Variants in SLC27A3 observed in about 807,000 individuals in gnomAD.
SLC27A3 encodes the protein solute carrier family 27 member 3.
A neutral mutation model predicts 60.1 loss-of-function variants in SLC27A3; 60 were observed. The observed-to-expected ratio is 1.00, with a 90% CI of 0.81 to 1.24. SLC27A3 has a LOEUF of 1.24. SLC27A3 is among the 50% of genes most tolerant of loss of function. The pLI, the probability that SLC27A3 is intolerant of heterozygous loss-of-function variation, is 0.00. For missense variants in SLC27A3, 1,079 were observed against 929.9 expected, an observed-to-expected ratio of 1.16 and a Z score of -2.09; for synonymous variants, 455 against 409.0, an observed-to-expected ratio of 1.11 and a Z score of -1.36.
rs1340082690 is a variant in SLC27A3, at chr1:153,777,851, G to A, written c.1127G>A (p.Gly376Glu). The A allele has an allele frequency of 3.1e-6, 5 of 1,614,256 alleles. No homozygotes were observed. The highest frequency in any genetic ancestry group is 4.2e-6 in the Non-Finnish European group (5 of 1,180,056). Residue 376 changes from glycine (G) to glutamate (E), a missense_variant, in exon 4 of 10, where the codon GGG becomes GAG. Coordinates refer to ENST00000624995, the MANE Select transcript of SLC27A3 (RefSeq NM_024330.4). ...AGGGTGACGGTGTTCCAGTACATTG[G>A]GGAGCTGTGCCGATACCTTGTCAAC... ...QHRVTVFQYI[G>E]ELCRYLVNQP...
In SLC27A3 at chr1:153,776,551, C is replaced by G. The variant is rs1673234181; in HGVS notation, c.701C>G (p.Ala234Gly). The change falls in exon 2 of 10, where the codon GCC (alanine) becomes GGC (glycine). Residue 234 changes from alanine (A) to glycine (G), a missense_variant. Ala to Gly is a moderately conservative substitution (Grantham distance 60). Transcript: ENST00000624995. ...GAGTCCCTGGAGCCGGACCTGCCCG[C>G]CCTGAGAGCCATGGGGCTCCACCTG... is the stretch of plus-strand genomic sequence containing the variant. ...FLESLEPDLP[A>G]LRAMGLHLWA... is the part of the protein sequence containing the mutation. The G allele has an allele frequency of 1.9e-6, 3 of 1,614,026 alleles. No individual in the cohort carries two copies. The highest frequency in any genetic ancestry group is 1.7e-6 in the Non-Finnish European group (2 of 1,180,038).
rs767684054 is a variant in SLC27A3, at chr1:153,779,334, A to G, written c.1745-9A>G. On this transcript the variant is annotated splice_polypyrimidine_tract_variant and intron_variant, in intron 8 of 9. Transcript: ENST00000624995. ...TGGAGGGGCTTACTCTGTCTCCCAC[A>G]CCCACCAGGGCATGAAGGCAGGGCT... 77 of 1,613,732 alleles carry G rather than the reference A, an allele frequency of 4.8e-5. No individual in the cohort carries two copies. Among genetic ancestry groups the G allele is most frequent in the Non-Finnish European group, 6.4e-5 (76 of 1,179,896 alleles).
intron 4 of SLC27A3, 82 bp downstream of exon 4, chr1:153,777,967 G>A (rs1000756506): frequency 1.9e-5 from 30 of 1,586,208 alleles, no homozygotes; most frequent in Middle Eastern, 3.5e-4. Flanking sequence ...GAGACAGGGA[G>A]TTGGAGGGAG....
Position 153,778,905 on chromosome 1 carries a change from T to G in SLC27A3, c.1646+20T>G. 6.2e-7 allele frequency: 1 copy of G among 1,611,410 alleles called. No homozygotes were observed. Among genetic ancestry groups the G allele is most frequent in the Non-Finnish European group, 8.5e-7 (1 of 1,177,586 alleles). On this transcript the variant is annotated intron_variant, in intron 7 of 9. Transcript: ENST00000624995. ...CTTCAGGTATCTGTCCATAACTGGT[T>G]TTTCATCCTGGACATCTGATCTCTG...
Position 153,776,042 on chromosome 1 carries a change from G to T in SLC27A3, c.545G>T (p.Trp182Leu). ...LLLPAGPEFL[W>L]LWFGLAKAGL... ...CTCCCCGCTGGCCCAGAGTTTCTGT[G>T]GCTCTGGTTCGGGCTGGCCAAGGCC... Residue 182 changes from tryptophan to leucine, a missense_variant, in exon 1 of 10, where the codon TGG becomes TTG. By Grantham distance (61) the Trp-to-Leu change is moderately conservative. Transcript: ENST00000624995. 6.9e-7 allele frequency: 1 copy of T among 1,458,900 alleles called. No homozygotes were observed. 90.4% of individuals were successfully genotyped at this position (1,458,900 alleles called of 1,614,324 possible).
chr1:153,776,188 C>T lies in SLC27A3; in HGVS notation c.667+24C>T, dbSNP rs140194614. ...AGGTAAGGCTGGAGCTCCGAACTGA[C>T]TAAGGCGGGGCCAGCCACAGAAGGG... On this transcript the variant is annotated intron_variant, in intron 1 of 9. Transcript: ENST00000624995. 7 of 1,412,738 alleles carry T rather than the reference C, an allele frequency of 5.0e-6. No individual in the cohort carries two copies. In the East Asian group the frequency reaches 8.1e-5, roughly 16 times the overall value. The allele number at this position is 1,412,738 out of a possible 1,614,324, so 87.5% of individuals were successfully genotyped here. A position where few individuals can be genotyped will look rare whatever the true frequency, so the allele number is the denominator to read the frequency against.
rs781096570 is a variant in SLC27A3 at position 153,777,126 on chromosome 1, G to A, written c.942G>A (p.Leu314=). The change falls in exon 3 of 10, where the codon CTG becomes CTA. Residue 314 remains leucine (L), a synonymous_variant. Coordinates refer to ENST00000624995, the MANE Select transcript of SLC27A3 (RefSeq NM_024330.4). The part of the protein sequence containing the change: ...KILQCQGFYQ[L]CGVHQEDVIY... ...TGCAATGCCAGGGCTTCTATCAGCT[G>A]TGTGGTGTCCACCAGGAAGATGTGA... 19 of 1,614,148 alleles carry A rather than the reference G, an allele frequency of 1.2e-5. No individual in the cohort carries two copies. The highest frequency in any genetic ancestry group is 1.7e-5 in the Admixed American group (1 of 60,016).
chr1:153,776,469 C>CA, intron 1 of SLC27A3, 49 bp from the exon 2 acceptor site: 1 of 1,546,070 alleles, frequency 6.5e-7, no homozygotes, highest in Non-Finnish European at 8.8e-7. Context: ...GTCATAGGCT[C>CA]TTCTAGGTAG....
Position 153,778,710 on chromosome 1 carries a change from C to T in SLC27A3, c.1471C>T (p.Pro491Ser), listed in dbSNP as rs200097042. ...SPGEPGLLVAPVSQQSPFLGY... is the reference protein window; with the variant it reads ...SPGEPGLLVASVSQQSPFLGY... Reference sequence around the variant, plus strand: ...AGGTGAGCCAGGGCTGCTGGTGGCCCCGGTAAGCCAGCAGTCCCCATTCCT... The same window carrying T: ...AGGTGAGCCAGGGCTGCTGGTGGCCTCGGTAAGCCAGCAGTCCCCATTCCT... The change falls in exon 7 of 10, where the codon CCG (proline) becomes TCG (serine). Residue 491 changes from proline to serine, a missense_variant. Physicochemically the swap from Pro to Ser is moderately conservative, Grantham distance 74. Transcript: ENST00000624995. 8 of 1,613,090 alleles carry T rather than the reference C, an allele frequency of 5.0e-6. No individual in the cohort carries two copies. The highest frequency in any genetic ancestry group is 5.9e-6 in the Non-Finnish European group (7 of 1,179,972).
rs1381269041 is a variant in SLC27A3, at chr1:153,777,232, C to T, written c.1036+12C>T. 2 of 1,613,992 alleles carry T rather than the reference C, an allele frequency of 1.2e-6. No homozygotes were observed. The highest frequency in any genetic ancestry group is 1.7e-6 in the Non-Finnish European group (2 of 1,179,850). On this transcript the variant is annotated intron_variant, in intron 3 of 9. Transcript: ENST00000624995. ...CTGCATGGGCATTGGTCAGTCTCCCCAACCCCACCTTCATTAATTCATCCA... is the reference window on the plus strand; with the variant it reads ...CTGCATGGGCATTGGTCAGTCTCCCTAACCCCACCTTCATTAATTCATCCA...
At position 153,776,151 on chromosome 1, in the gene SLC27A3, G is replaced by T. The variant is rs568906999; in HGVS notation, c.654G>T (p.Leu218=). Reference sequence around the variant, plus strand: ...TCCGCAGCTGCGGCGCGCGCGCGCTGGTGCTGGCGCCAGGTAAGGCTGGAG... The same window carrying T: ...TCCGCAGCTGCGGCGCGCGCGCGCTTGTGCTGGCGCCAGGTAAGGCTGGAG... ...HCLRSCGARA[L]VLAPEFLESL... The change falls in exon 1 of 10, where the codon CTG becomes CTT. Residue 218 remains leucine (L), a synonymous_variant. Transcript: ENST00000624995. The T allele has an allele frequency of 6.0e-5, 86 of 1,422,838 alleles. No homozygotes were observed. The South Asian group carries it at 1.2e-3, about 20-fold the overall frequency. 88.1% of individuals were successfully genotyped at this position (1,422,838 alleles called of 1,614,324 possible).
Position 153,776,562 on chromosome 1 carries a change from A to C in SLC27A3, c.712A>C (p.Met238Leu), listed in dbSNP as rs777368122. 1 of 1,614,124 alleles carries C rather than the reference A, an allele frequency of 6.2e-7. No individual in the cohort carries two copies. Among genetic ancestry groups the C allele is most frequent in the Non-Finnish European group, 8.5e-7 (1 of 1,179,988 alleles). Residue 238 changes from methionine (M) to leucine (L), a missense_variant, in exon 2 of 10, where the codon ATG becomes CTG. Coordinates refer to ENST00000624995, the MANE Select transcript of SLC27A3 (RefSeq NM_024330.4). ...GCCGGACCTGCCCGCCCTGAGAGCC[A>C]TGGGGCTCCACCTGTGGGCTGCAGG... ...LEPDLPALRA[M>L]GLHLWAAGPG...
chr1:153,779,510 T>TATATCCTCACCCCAC, intron 9 of SLC27A3, 37 bp downstream of exon 9: 1 of 1,596,790 alleles, frequency 6.3e-7, no homozygotes, highest in Non-Finnish European at 8.5e-7. Flanking sequence ...CCTCACCCCA[T>TATATCCTCACCCCAC]ATATCCTCAC....
chr1:153,778,307 C>G lies in SLC27A3; in HGVS notation c.1308C>G (p.Asn436Lys), dbSNP rs141993722. 33 of 1,614,224 alleles carry G rather than the reference C, an allele frequency of 2.0e-5. No homozygotes were observed. Among genetic ancestry groups the G allele is most frequent in the Non-Finnish European group, 2.8e-5 (33 of 1,180,036 alleles). ...GLTEGNVATI[N>K]YTGQRGAVGR... ...CAGAGGGCAACGTGGCCACCATCAA[C>G]TACACAGGACAGCGGGGCGCTGTGG... The change falls in exon 5 of 10, where the codon AAC becomes AAG. Residue 436 changes from asparagine (N) to lysine (K), a missense_variant. By Grantham distance (94) the Asn-to-Lys change is moderately conservative. Coordinates refer to ENST00000624995, the MANE Select transcript of SLC27A3 (RefSeq NM_024330.4).
chr1:153,776,662 G>T lies in SLC27A3; in HGVS notation c.812G>T (p.Gly271Val). 6.2e-7 allele frequency: 1 copy of T among 1,614,098 alleles called. No homozygotes were observed. Among genetic ancestry groups the T allele is most frequent in the Non-Finnish European group, 8.5e-7 (1 of 1,179,986 alleles). ...VSAEVDGPVPGYLSSPQSITD... is the reference protein window; with the variant it reads ...VSAEVDGPVPVYLSSPQSITD... ...GCTGAAGTGGATGGGCCAGTGCCAG[G>T]ATACCTCTCTTCCCCCCAGAGCATA... The change falls in exon 2 of 10, where the codon GGA (glycine) becomes GTA (valine). Residue 271 changes from glycine (G) to valine (V), a missense_variant. Coordinates refer to ENST00000624995, the MANE Select transcript of SLC27A3 (RefSeq NM_024330.4).
chr1:153,778,932 G>T, intron 7 of SLC27A3, 47 bp downstream of exon 7: 1 of 1,585,952 alleles, frequency 6.3e-7, no homozygotes, highest in Non-Finnish European at 8.7e-7. Flanking sequence ...TGATCTCTGT[G>T]ATCCAAAGCT....
chr1:153,778,777 T>C lies in SLC27A3; in HGVS notation c.1538T>C (p.Leu513Pro). Residue 513 changes from leucine to proline, a missense_variant, in exon 7 of 10, where the codon CTA (leucine) becomes CCA (proline). By Grantham distance (98) the Leu-to-Pro change is moderately conservative. Coordinates refer to ENST00000624995, the MANE Select transcript of SLC27A3 (RefSeq NM_024330.4). ...CCAGAGCTGGCCCAGGGGAAGTTGC[T>C]AAAGGATGTCTTCCGGCCTGGGGAT... Reference protein sequence around the residue: ...GGPELAQGKLLKDVFRPGDVF... With the variant: ...GGPELAQGKLPKDVFRPGDVF... 2 of 1,614,094 alleles carry C rather than the reference T, an allele frequency of 1.2e-6. No homozygotes were observed. The highest frequency in any genetic ancestry group is 8.5e-7 in the Non-Finnish European group (1 of 1,180,010).
Position 153,775,508 on chromosome 1 carries a change from T to TCCTGCTGCTGCC in SLC27A3, c.22_33dup (p.Pro8_Leu11dup), listed in dbSNP as rs143599353. 9.3e-6 allele frequency: 15 copies of TCCTGCTGCTGCC among 1,613,144 alleles called. No individual in the cohort carries two copies. In the Middle Eastern group the frequency reaches 4.9e-4, roughly 53 times the overall value. ...GAGGAAGCGGGCTCCATGGCTGCCC[T>TCCTGCTGCTGCC]CCTGCTGCTGCCCCTGCTGCTGTTG... is the stretch of plus-strand genomic sequence containing the variant. On this transcript the variant is annotated inframe_insertion, in exon 1 of 10. Transcript: ENST00000624995.
rs767393316 is a variant in SLC27A3 at position 153,775,473 on chromosome 1, G to A, written c.-25G>A. 1.2e-6 allele frequency: 2 copies of A among 1,613,106 alleles called. No individual in the cohort carries two copies. Among genetic ancestry groups the A allele is most frequent in the African/African-American group, 1.3e-5 (1 of 75,074 alleles). On this transcript the variant is annotated 5_prime_UTR_variant, in exon 1 of 10. Transcript: ENST00000624995. ...TGTTTGCGAGCGGCTGGAACCAGACGGTGCCGATAGAGGAAGCGGGCTCCA... is the reference window on the plus strand; with the variant it reads ...TGTTTGCGAGCGGCTGGAACCAGACAGTGCCGATAGAGGAAGCGGGCTCCA...
Sources: gnomAD v4.1 joint callset for allele counts on GRCh38, gnomAD v4.1.1 for gene constraint, MANE v1.5 for transcripts, NCBI Gene and HGNC (gene_info 2026-07-23, HGNC 2026-07-21) for gene names.